CACNA1D: variants seen among roughly 807,000 people sequenced by gnomAD.
CACNA1D encodes voltage-dependent L-type calcium channel subunit alpha-1D.
Under a neutral mutation model 257.1 loss-of-function variants are expected in CACNA1D, and 55 were observed. That is an observed-to-expected ratio of 0.21 (90% confidence interval 0.17 to 0.27). The LOEUF is 0.27. Ranked by LOEUF, CACNA1D falls within the 10% of genes least tolerant of loss-of-function variation. The pLI is 1.00. For missense variants in CACNA1D, 1,876 were observed against 2,784.0 expected (o/e 0.67, Z 7.34); for synonymous variants, 980 against 1,014.9 (o/e 0.97, Z 0.65).
chr3:53,770,236 C>T (rs1373136494), intron 31 of CACNA1D, among the ~76,000 whole-genome samples, 188 bp from the exon 32 acceptor site: 1 of 152,196 alleles, frequency 6.6e-6, no homozygotes, highest in Non-Finnish European at 1.5e-5. Context: ...TGTGTGGACG[C>T]AGTTTTCCGA....
Position 53,729,896 on chromosome 3 carries a change from G to A in CACNA1D, c.2222-546G>A, listed in dbSNP as rs1031003215. On this transcript the variant is annotated intron_variant, in intron 15 of 47. Transcript: ENST00000350061. ...GTTTGTGGAGTGAAGGAATGAATGA[G>A]TTATCTGTAGACTCTGAAGGTTATT... 1.1e-4 allele frequency among the ~76,000 whole-genome samples: 17 copies of A among 152,162 alleles called. No individual in the cohort carries two copies. In the East Asian group the frequency reaches 1.3e-3, roughly 12 times the overall value.
Position 53,774,609 on chromosome 3 carries a change from G to C in CACNA1D, c.4133G>C (p.Arg1378Thr). ...TAGATGTTTGGGAAAGTTGCCATGA[G>C]AGATAACAACCAGATCAATAGGAAC... is the stretch of plus-strand genomic sequence containing the variant. The part of the protein sequence containing the change: ...GMQMFGKVAM[R>T]DNNQINRNNN... The change falls in exon 34 of 48, where the codon AGA becomes ACA. Residue 1378 changes from arginine to threonine, a missense_variant. Physicochemically the swap from Arg to Thr is moderately conservative, Grantham distance 71 (BLOSUM62 -1). Coordinates refer to ENST00000350061, the MANE Select transcript of CACNA1D (RefSeq NM_001128840.3). The surrounding 1 kb of genome is among the most constrained non-coding windows in gnomAD (Gnocchi z 4.3). 6.2e-7 allele frequency: 1 copy of C among 1,609,828 alleles called. No homozygotes were observed. The highest frequency in any genetic ancestry group is 8.5e-7 in the Non-Finnish European group (1 of 1,176,046).
chr3:53,676,623 T>C (rs1279834377), intron 8 of CACNA1D, among the ~76,000 whole-genome samples: 1 of 152,254 alleles, frequency 6.6e-6, no homozygotes, highest in Non-Finnish European at 1.5e-5. Flanking sequence ...TCTTCAAGTC[T>C]GTCAGCCATT....
chr3:53,762,926 T>C (rs2095311817), intron 30 of CACNA1D, among the ~76,000 whole-genome samples: 1 of 152,258 alleles, frequency 6.6e-6, no homozygotes, highest in Admixed American at 6.5e-5. Flanking sequence ...TCCGTGTGAA[T>C]GTTGTCACTC....
At chr3:53,593,621 C>T (rs1007802178) in intron 3 of CACNA1D, among the ~76,000 whole-genome samples, 5 of 152,020 alleles carry the variant, frequency 3.3e-5, no homozygotes, top group African/African-American at 1.2e-4. Context: ...TCAGGAAATC[C>T]CTCTTGGTGT....
chr3:53,710,460 C>T (rs750813756), intron 9 of CACNA1D: 17 of 456,638 alleles, frequency 3.7e-5, no homozygotes, highest in East Asian at 6.9e-5. Flanking sequence ...CTTTCGGCAA[C>T]GCAGGGCTAA....
chr3:53,606,646 G>A, intron 3 of CACNA1D, among the ~76,000 whole-genome samples: 1 of 152,192 alleles, frequency 6.6e-6, no homozygotes, highest in East Asian at 1.9e-4. Context: ...CAGTGCTTGA[G>A]AAAGGGATAG....
rs554927762 is a variant in CACNA1D, at chr3:53,514,060, A to G, written c.483+12340A>G. On this transcript the variant is annotated intron_variant, in intron 3 of 47. Transcript: ENST00000350061. ...TATACCTGTTGTTAAGCTATGCATGACTGTAATCTCCTCTAATTCCCATTT... is the reference window on the plus strand; with the variant it reads ...TATACCTGTTGTTAAGCTATGCATGGCTGTAATCTCCTCTAATTCCCATTT... 3.9e-5 allele frequency among the ~76,000 whole-genome samples: 6 copies of G among 152,226 alleles called. No homozygotes were observed. The East Asian group carries it at 9.7e-4, about 25-fold the overall frequency.
rs762398592 is a variant in CACNA1D, at chr3:53,718,302, T to C, written c.1392T>C (p.Thr464=). 1.2e-6 allele frequency: 2 copies of C among 1,613,734 alleles called. No individual in the cohort carries two copies. Among genetic ancestry groups the C allele is most frequent in the Non-Finnish European group, 1.7e-6 (2 of 1,179,716 alleles). Residue 464 remains threonine (T), a splice_region_variant and synonymous_variant, in exon 10 of 48, where the codon ACT becomes ACC. Coordinates refer to ENST00000350061, the MANE Select transcript of CACNA1D (RefSeq NM_001128840.3). ...CTGAAGCCCGTCTTCTCCCCACAGC[T>C]AGCATGCCCACCAGCGAGACTGAGT... ...EEGGEEGKRN[T]SMPTSETESV...
intron 43 of CACNA1D, 134 bp from the exon 44 acceptor site, chr3:53,803,289 C>A: frequency 2.2e-6 from 2 of 906,510 alleles, no homozygotes; most frequent in Non-Finnish European, 3.6e-6. Context: ...CAGTCCAGTG[C>A]TGCCTGAGGC....
At chr3:53,742,286 G>A (rs999883962) in intron 21 of CACNA1D, among the ~76,000 whole-genome samples, 3 of 152,168 alleles carry the variant, frequency 2.0e-5, no homozygotes, top group Non-Finnish European at 4.4e-5. Context: ...TAAATAGTGA[G>A]CTGTATATAT....
rs778371783 is a variant in CACNA1D, at chr3:53,749,329, G to T, written c.3376G>T (p.Val1126Leu). 23 of 1,613,424 alleles carry T rather than the reference G, an allele frequency of 1.4e-5. No homozygotes were observed. In the African/African-American group the frequency reaches 2.1e-4, roughly 15 times the overall value. ...ENIGPIYNHRVEISIFFIIYI... is the reference protein window; with the variant it reads ...ENIGPIYNHRLEISIFFIIYI... ...CATCGGCCCAATCTACAACCACCGC[G>T]TGGAGATCTCCATCTTCTTCATCAT... is the stretch of plus-strand genomic sequence containing the variant. The change falls in exon 27 of 48, where the codon GTG becomes TTG. Residue 1126 changes from valine to leucine, a missense_variant. This residue lies in a region of CACNA1D where 271 missense variants were observed against 425.5 expected (regional missense o/e 0.64). Coordinates refer to ENST00000350061, the MANE Select transcript of CACNA1D (RefSeq NM_001128840.3).
intron 29 of CACNA1D, among the ~76,000 whole-genome samples, chr3:53,757,579 A>G (rs1190153438): frequency 6.6e-6 from 1 of 152,166 alleles, no homozygotes; most frequent in Admixed American, 6.5e-5. Flanking sequence ...TTGCAGTGAT[A>G]TTTTGGCACT....
chr3:53,631,134 G>A lies in CACNA1D; in HGVS notation c.484-19645G>A, dbSNP rs147394262. Among the ~76,000 whole-genome samples, 339 of 152,296 alleles carry A rather than the reference G, an allele frequency of 2.2e-3. 3 individuals are homozygous for A. The highest frequency in any genetic ancestry group is 1.1e-3 in the Non-Finnish European group (78 of 68,028). ...CTTAAAACAAGGAAGTTTGCCACAT[G>A]ATAGATTCTTCCTTTCATGAAAGAT... On this transcript the variant is annotated intron_variant, in intron 3 of 47. Coordinates refer to ENST00000350061, the MANE Select transcript of CACNA1D (RefSeq NM_001128840.3).
rs189668943 is a variant in CACNA1D, at chr3:53,744,138, G to A, written c.2919-602G>A. Among the ~76,000 whole-genome samples, 472 of 152,066 alleles carry A rather than the reference G, an allele frequency of 3.1e-3. 3 individuals carry two copies. Among genetic ancestry groups the A allele is most frequent in the African/African-American group, 0.01 (432 of 41,468 alleles). ...GTACATGCTGCTCCCTCACACTGGA[G>A]CCCCCCTCCCTATTGTCCTCGCTAA... On this transcript the variant is annotated intron_variant, in intron 22 of 47. Coordinates refer to ENST00000350061, the MANE Select transcript of CACNA1D (RefSeq NM_001128840.3).
intron 8 of CACNA1D, among the ~76,000 whole-genome samples, chr3:53,687,518 T>TAA (rs11297779): frequency 2.7e-5 from 4 of 148,050 alleles, no homozygotes; most frequent in African/African-American, 9.8e-5. Flanking sequence ...TCTTTTTAGT[T>TAA]AAAAAAAAAA....
Position 53,728,434 on chromosome 3 carries a change from C to T in CACNA1D, c.2221+1435C>T, listed in dbSNP as rs563587147. 5.3e-5 allele frequency among the ~76,000 whole-genome samples: 8 copies of T among 152,276 alleles called. No homozygotes were observed. The South Asian group carries it at 8.3e-4, about 16-fold the overall frequency. On this transcript the variant is annotated intron_variant, in intron 15 of 47. Coordinates refer to ENST00000350061, the MANE Select transcript of CACNA1D (RefSeq NM_001128840.3). ...GATTACAGGTGTGAGCCACTGCGCC[C>T]GGCCTGTCTACTGGAATTTTGAGTG...
chr3:53,563,428 G>T (rs1159068903), intron 3 of CACNA1D, among the ~76,000 whole-genome samples: 1 of 151,786 alleles, frequency 6.6e-6, no homozygotes, highest in East Asian at 1.9e-4. Flanking sequence ...GGAGGCTGAG[G>T]CAGGAGAATC....
At chr3:53,696,697 A>G (rs951547934) in intron 8 of CACNA1D, among the ~76,000 whole-genome samples, 1 of 152,214 alleles carries the variant, frequency 6.6e-6, no homozygotes, top group African/African-American at 2.4e-5. Context: ...AGATGGGAGA[A>G]GGCTGCCCAG....
Sources: allele counts gnomAD v4.1 joint callset (sites outside exome capture counted in the v4.1 genomes callset), GRCh38; gene constraint gnomAD v4.1.1; regional missense constraint gnomAD v4.1.1; non-coding constraint Gnocchi (gnomAD v3.1); transcripts MANE v1.5; gene names NCBI Gene and HGNC (gene_info 2026-07-23, HGNC 2026-07-21).